GABRA2: variants seen among roughly 807,000 people sequenced by gnomAD.
GABRA2 encodes the protein gamma-aminobutyric acid receptor subunit alpha-2.
A neutral mutation model predicts 48.7 loss-of-function variants in GABRA2; 16 were observed. That is an observed-to-expected ratio of 0.33 (90% CI 0.22 to 0.50). GABRA2 has a LOEUF of 0.50. GABRA2 is among the 20% of genes least tolerant of loss of function. The probability of loss-of-function intolerance (pLI) is 0.98; values close to 1 mark genes in which losing one functional copy is unlikely to be tolerated. For missense variants in GABRA2, 275 were observed against 535.6 expected, an observed-to-expected ratio of 0.51 and a Z score of 4.80; for synonymous variants, 185 against 184.5, an observed-to-expected ratio of 1.00 and a Z score of -0.02.
At position 46,327,377 on chromosome 4, in the gene GABRA2, C is replaced by T. The variant is rs1042224124; in HGVS notation, c.255+5238G>A. 2.2e-4 allele frequency among the ~76,000 whole-genome samples: 33 copies of T among 151,990 alleles called. No homozygotes were observed. In the Middle Eastern group the frequency reaches 0.014, roughly 63 times the overall value. ...ATTTTGGGGAATATTATTATAAATT[C>T]TAGGAGGGTGCTGAAAAATATTTGA... On this transcript the variant is annotated intron_variant, in intron 4 of 9. Coordinates refer to ENST00000381620, the MANE Select transcript of GABRA2 (RefSeq NM_000807.4).
chr4:46,296,455 G>T (rs1560491970), intron 8 of GABRA2, among the ~76,000 whole-genome samples: 1 of 152,050 alleles, frequency 6.6e-6, no homozygotes, highest in Non-Finnish European at 1.5e-5. Flanking sequence ...ATTGGCTGGG[G>T]TCTATCAAGA....
chr4:46,312,904 C>T (rs569032293), intron 4 of GABRA2, among the ~76,000 whole-genome samples, 188 bp from the exon 5 acceptor site: 36 of 152,032 alleles, frequency 2.4e-4, no homozygotes, highest in African/African-American at 8.0e-4. Context: ...GGATAAAGTA[C>T]GTCTGTGTAT....
At chr4:46,275,334 A>G (rs990039609) in intron 8 of GABRA2, among the ~76,000 whole-genome samples, 2 of 152,148 alleles carry the variant, frequency 1.3e-5, no homozygotes, top group Non-Finnish European at 1.5e-5. Flanking sequence ...AGAACAACCC[A>G]TCAAATCATA....
intron 8 of GABRA2, among the ~76,000 whole-genome samples, chr4:46,266,484 T>A (rs1477327774): frequency 6.6e-6 from 1 of 150,928 alleles, no homozygotes; most frequent in Non-Finnish European, 1.5e-5. Context: ...GATGATTTTT[T>A]AGGTGCTAAT....
At chr4:46,331,038 T>C (rs1260743366) in intron 4 of GABRA2, among the ~76,000 whole-genome samples, 1 of 152,150 alleles carries the variant, frequency 6.6e-6, no homozygotes, top group Non-Finnish European at 1.5e-5. Flanking sequence ...TATAAGGATC[T>C]GTCCACTTAA....
intron 3 of GABRA2, among the ~76,000 whole-genome samples, chr4:46,375,358 A>C (rs969632184): frequency 6.6e-6 from 1 of 152,212 alleles, no homozygotes; most frequent in Non-Finnish European, 1.5e-5. Context: ...AACACTAAAA[A>C]TTTAGAAGAA....
Position 46,388,673 on chromosome 4 carries a change from A to C in GABRA2, c.34T>G (p.Phe12Val). The C allele has an allele frequency of 6.2e-7, 1 of 1,614,174 alleles. No homozygotes were observed. ...KTKLNIYNMQ[F>V]LLFVFLVWDP... ...CACACCAAGAAAACAAAAAGCAGGA[A>C]CTGCATGTTGTAGATGTTCAATTTT... Residue 12 changes from phenylalanine to valine, a missense_variant, in exon 2 of 10, where the codon TTC becomes GTC. By Grantham distance (50) the Phe-to-Val change is conservative (BLOSUM62 -1). Around this residue, in one of 4 missense-constraint regions of GABRA2, gnomAD observed 39 missense variants for 40.5 expected, o/e 0.96. Transcript: ENST00000381620.
At chr4:46,265,914 C>T (rs987355052) in intron 8 of GABRA2, among the ~76,000 whole-genome samples, 5 of 151,870 alleles carry the variant, frequency 3.3e-5, no homozygotes, top group Admixed American at 6.6e-5. Context: ...CTTGTGATCT[C>T]TTCTTTGATT....
At chr4:46,380,945 T>C (rs1716677461) in intron 3 of GABRA2, among the ~76,000 whole-genome samples, 1 of 152,202 alleles carries the variant, frequency 6.6e-6, no homozygotes, top group African/African-American at 2.4e-5. Context: ...TAAGTCTGTG[T>C]TCAGACCTCA....
chr4:46,303,616 G>A lies in GABRA2; in HGVS notation c.704-4C>T. 6.2e-7 allele frequency: 1 copy of A among 1,612,198 alleles called. No homozygotes were observed. The highest frequency in any genetic ancestry group is 8.5e-7 in the Non-Finnish European group (1 of 1,178,674). ...GCTGTCATTACAGTATATTCACCTG[G>A]AAGAAAAATTTAAGAAGCTCAAGGA... On this transcript the variant is annotated splice_polypyrimidine_tract_variant and splice_region_variant and intron_variant, in intron 7 of 9. Coordinates refer to ENST00000381620, the MANE Select transcript of GABRA2 (RefSeq NM_000807.4).
At chr4:46,335,323 A>C (rs77043100) in intron 3 of GABRA2, among the ~76,000 whole-genome samples, 1,602 of 152,238 alleles carry the variant, frequency 0.011, 15 homozygotes, top group Non-Finnish European at 0.017. Context: ...AACAAGGTGG[A>C]ATTGTGCTGT....
chr4:46,342,497 T>C (rs555177329), intron 3 of GABRA2, among the ~76,000 whole-genome samples: 1 of 152,198 alleles, frequency 6.6e-6, no homozygotes, highest in South Asian at 2.1e-4. Flanking sequence ...AACCATAGCC[T>C]GTTACTTTGT....
rs1191024354 is a variant in GABRA2, at chr4:46,244,146, GC to G, written c.*6161del. 2 of 151,484 alleles carry G rather than the reference GC, an allele frequency of 1.3e-5. No homozygotes were observed. The highest frequency in any genetic ancestry group is 3.0e-5 in the Non-Finnish European group (2 of 67,664). 9.4% of individuals were successfully genotyped at this position (151,484 alleles called of 1,614,324 possible). ...TAAAGTTTAATTCATGAGAATTGTG[GC>G]TCAATAATTGAGTTTTACTTATGTC... On this transcript the variant is annotated 3_prime_UTR_variant, in exon 10 of 10. Coordinates refer to ENST00000381620, the MANE Select transcript of GABRA2 (RefSeq NM_000807.4).
chr4:46,327,245 T>C (rs1040034045), intron 4 of GABRA2, among the ~76,000 whole-genome samples: 2 of 151,994 alleles, frequency 1.3e-5, no homozygotes, highest in Non-Finnish European at 2.9e-5. Flanking sequence ...CAGACTTTCA[T>C]GTTCTACAAA....
chr4:46,389,779 A>C lies in GABRA2; in HGVS notation c.-55T>G, dbSNP rs200388451. 2.1e-6 allele frequency: 2 copies of C among 963,542 alleles called. No homozygotes were observed. Among genetic ancestry groups the C allele is most frequent in the African/African-American group, 4.0e-5 (2 of 49,800 alleles). 59.7% of individuals were successfully genotyped at this position (963,542 alleles called of 1,614,324 possible). A position where few individuals can be genotyped will look rare whatever the true frequency, so the allele number is the denominator to read the frequency against. On this transcript the variant is annotated 5_prime_UTR_variant, in exon 1 of 10. Coordinates refer to ENST00000381620, the MANE Select transcript of GABRA2 (RefSeq NM_000807.4). Reference sequence around the variant, plus strand: ...TCGGTGTTTTCTTCCTTTTGCCCTGATCTTGACGAGATAGGAAACTTGGGA... The same window carrying C: ...TCGGTGTTTTCTTCCTTTTGCCCTGCTCTTGACGAGATAGGAAACTTGGGA...
At chr4:46,369,247 C>T (rs1279250379) in intron 3 of GABRA2, among the ~76,000 whole-genome samples, 1 of 151,966 alleles carries the variant, frequency 6.6e-6, no homozygotes, top group Admixed American at 6.6e-5. Context: ...AAGCTATTAC[C>T]GAATTTCATT....
At chr4:46,276,599 CAAA>C (rs60891194) in intron 8 of GABRA2, among the ~76,000 whole-genome samples, 9 of 85,136 alleles carry the variant, frequency 1.1e-4, no homozygotes, top group African/African-American at 7.4e-5. Flanking sequence ...ACTTCAGGCT[CAAA>C]AAAAAAAAAA....
At chr4:46,299,295 G>T (rs1477038688) in intron 8 of GABRA2, among the ~76,000 whole-genome samples, 1 of 151,562 alleles carries the variant, frequency 6.6e-6, no homozygotes, top group African/African-American at 2.4e-5. Flanking sequence ...TTTAAAAATT[G>T]CTCTTTTTAC....
At chr4:46,379,049 CCTAA>C (rs1357351229) in intron 3 of GABRA2, among the ~76,000 whole-genome samples, 4 of 152,142 alleles carry the variant, frequency 2.6e-5, no homozygotes, top group Non-Finnish European at 5.9e-5. Context: ...ACTACCTCAC[CCTAA>C]CTATTTCCTA....
Sources: allele counts gnomAD v4.1 joint callset (sites outside exome capture counted in the v4.1 genomes callset), GRCh38; gene constraint gnomAD v4.1.1; regional missense constraint gnomAD v4.1.1; transcripts MANE v1.5; gene names NCBI Gene and HGNC (gene_info 2026-07-23, HGNC 2026-07-21).